CNTNAP2: variants seen among roughly 807,000 people sequenced by gnomAD.
CNTNAP2 encodes contactin-associated protein-like 2.
A neutral mutation model predicts 155.2 loss-of-function variants in CNTNAP2; 98 were observed. The observed-to-expected ratio is 0.63, with a 90% confidence interval of 0.54 to 0.75. The LOEUF (loss-of-function observed/expected upper bound fraction) is 0.75, where lower values mean the gene tolerates loss of function less well. Ranked by LOEUF, CNTNAP2 falls within the 30% of genes least tolerant of loss-of-function variation. The probability of loss-of-function intolerance (pLI) is 0.00; values close to 1 mark genes in which losing one functional copy is unlikely to be tolerated. For missense variants in CNTNAP2, 1,727 were observed against 1,688.1 expected (o/e 1.02, Z -0.40); for synonymous variants, 651 against 631.2 (o/e 1.03, Z -0.47).
intron 21 of CNTNAP2, among the ~76,000 whole-genome samples, chr7:148,320,585 T>G (rs1419595024): frequency 6.6e-6 from 1 of 151,942 alleles, no homozygotes. Flanking sequence ...GGTTTCATCA[T>G]GTTGGCCAGG....
chr7:146,984,554 T>G (rs373877946), intron 3 of CNTNAP2, among the ~76,000 whole-genome samples: 11 of 152,096 alleles, frequency 7.2e-5, no homozygotes, highest in African/African-American at 2.2e-4. Context: ...TATAAGACAA[T>G]GTCATTTTAG....
intron 1 of CNTNAP2, among the ~76,000 whole-genome samples, chr7:146,148,645 T>C (rs1797989562): frequency 6.6e-6 from 1 of 152,076 alleles, no homozygotes; most frequent in Non-Finnish European, 1.5e-5. Context: ...AATAATAAAG[T>C]TTTTTATCAT....
chr7:147,500,215 C>T (rs891423788), intron 11 of CNTNAP2, among the ~76,000 whole-genome samples: 2 of 151,876 alleles, frequency 1.3e-5, no homozygotes, highest in South Asian at 4.2e-4. Flanking sequence ...TGCAGAAGGG[C>T]TTTTCATTTA....
intron 13 of CNTNAP2, among the ~76,000 whole-genome samples, chr7:147,665,304 G>A (rs1795676237): frequency 6.6e-6 from 1 of 152,178 alleles, no homozygotes; most frequent in South Asian, 2.1e-4. Context: ...AGATAGTATA[G>A]TTCATTCTCA....
intron 22 of CNTNAP2, among the ~76,000 whole-genome samples, chr7:148,404,954 C>T (rs2116705851): frequency 6.6e-6 from 1 of 152,320 alleles, no homozygotes; most frequent in South Asian, 2.1e-4. Flanking sequence ...CACTGCTCTG[C>T]TCCTCTGCCA....
At position 147,078,065 on chromosome 7, in the gene CNTNAP2, T is replaced by A. The variant is rs1021185741; in HGVS notation, c.551-30082T>A. Among the ~76,000 whole-genome samples the A allele has an allele frequency of 7.2e-5, 11 of 152,204 alleles. No homozygotes were observed. The East Asian group carries it at 2.1e-3, about 29-fold the overall frequency. On this transcript the variant is annotated intron_variant, in intron 4 of 23. Coordinates refer to ENST00000361727, the MANE Select transcript of CNTNAP2 (RefSeq NM_014141.6). ...TTCAAAGAGTGCCAAACATTTTAAA[T>A]GATACTTACATTTTTCTCCAATGTA...
chr7:148,221,387 C>G (rs1027394643), intron 19 of CNTNAP2, among the ~76,000 whole-genome samples: 1 of 152,108 alleles, frequency 6.6e-6, no homozygotes, highest in Non-Finnish European at 1.5e-5. Context: ...GGTTTCTCAG[C>G]CTGGGTGTCC....
At position 148,415,491 on chromosome 7, in the gene CNTNAP2, G is replaced by A; in HGVS notation, c.3871G>A (p.Gly1291Ser). ...GATCCGGTACATGTTCCGCCACAAG[G>A]GCACCTACCATACCAACGAAGCAAA... ...FLIRYMFRHK[G>S]TYHTNEAKGA... The change falls in exon 24 of 24, where the codon GGC (glycine) becomes AGC (serine). Residue 1291 changes from glycine to serine, a missense_variant. Physicochemically the swap from Gly to Ser is moderately conservative, Grantham distance 56. Transcript: ENST00000361727. 1 of 1,614,206 alleles carries A rather than the reference G, an allele frequency of 6.2e-7. No individual in the cohort carries two copies. The highest frequency in any genetic ancestry group is 8.5e-7 in the Non-Finnish European group (1 of 1,180,032).
intron 10 of CNTNAP2, among the ~76,000 whole-genome samples, chr7:147,484,587 GT>G (rs978295470): frequency 6.6e-6 from 1 of 152,192 alleles, no homozygotes; most frequent in Non-Finnish European, 1.5e-5. Flanking sequence ...CTCAATCAAT[GT>G]TTGTTTCAGG....
intron 1 of CNTNAP2, among the ~76,000 whole-genome samples, chr7:146,621,793 A>G (rs753584461): frequency 1.1e-4 from 16 of 152,102 alleles, no homozygotes; most frequent in Non-Finnish European, 2.1e-4. Context: ...GGAAGTCCCT[A>G]TGTGCAGTTC....
At chr7:148,166,550 G>A (rs919969617) in intron 17 of CNTNAP2, among the ~76,000 whole-genome samples, 1 of 151,628 alleles carries the variant, frequency 6.6e-6, no homozygotes, top group Admixed American at 6.6e-5. Flanking sequence ...TTTAATAGCC[G>A]ATTATTTTGT....
At chr7:146,857,170 A>T (rs1245041597) in intron 3 of CNTNAP2, among the ~76,000 whole-genome samples, 1 of 151,858 alleles carries the variant, frequency 6.6e-6, no homozygotes, top group Non-Finnish European at 1.5e-5. Flanking sequence ...GTTCAGAAAA[A>T]ATAATGTGTG....
At chr7:147,205,134 T>C (rs528573066) in intron 8 of CNTNAP2, among the ~76,000 whole-genome samples, 5 of 152,276 alleles carry the variant, frequency 3.3e-5, no homozygotes, top group African/African-American at 1.2e-4. Context: ...GTTTTTGGGT[T>C]ACATGAATGA....
chr7:147,369,414 G>A (rs6464793), intron 9 of CNTNAP2, among the ~76,000 whole-genome samples: 5,559 of 152,260 alleles, frequency 0.037, 355 homozygotes, highest in African/African-American at 0.13. Context: ...ACTAAGGTTT[G>A]TTCATGAGAC....
At chr7:147,995,532 GTTT>G (rs1554459559) in intron 15 of CNTNAP2, among the ~76,000 whole-genome samples, 1 of 81,748 alleles carries the variant, frequency 1.2e-5, no homozygotes, top group Non-Finnish European at 2.6e-5. Context: ...TTCTTTTGTT[GTTT>G]TTTTTTTTTT....
chr7:147,052,545 A>G (rs1799492033), intron 4 of CNTNAP2, among the ~76,000 whole-genome samples: 1 of 152,074 alleles, frequency 6.6e-6, no homozygotes, highest in African/African-American at 2.4e-5. Context: ...ACCAAACTAA[A>G]TATAATAATA....
rs577239542 is a variant in CNTNAP2 at position 146,968,134 on chromosome 7, C to G, written c.403-75773C>G. ...CATTTATTGATTTGCATATATTGAACCAGCCTTGCATCCCAGGGATGAAGC... is the reference window on the plus strand; with the variant it reads ...CATTTATTGATTTGCATATATTGAAGCAGCCTTGCATCCCAGGGATGAAGC... On this transcript the variant is annotated intron_variant, in intron 3 of 23. Transcript: ENST00000361727. 1.4e-3 allele frequency among the ~76,000 whole-genome samples: 206 copies of G among 151,208 alleles called. 4 individuals are homozygous for G. The East Asian group carries it at 0.028, about 21-fold the overall frequency.
At chr7:147,978,052 T>C (rs980012013) in intron 15 of CNTNAP2, 63 bp downstream of exon 15, 51 of 1,598,976 alleles carry the variant, frequency 3.2e-5, no homozygotes, top group Non-Finnish European at 3.8e-5. Context: ...GTTTCCAGGC[T>C]CCTCAGAAGA....
chr7:146,605,087 C>CAA (rs57021805), intron 1 of CNTNAP2, among the ~76,000 whole-genome samples: 16 of 144,092 alleles, frequency 1.1e-4, no homozygotes, highest in African/African-American at 3.8e-4. Flanking sequence ...AAAAAAACAA[C>CAA]AAAAAAAAAA....
Sources: gnomAD v4.1 joint callset for allele counts (sites outside exome capture counted in the v4.1 genomes callset) on GRCh38, gnomAD v4.1.1 for gene constraint, MANE v1.5 for transcripts, NCBI Gene and HGNC (gene_info 2026-07-23, HGNC 2026-07-21) for gene names.